Variants in PKHD1L1 observed in about 807,000 individuals in gnomAD.
PKHD1L1 encodes the protein fibrocystin-L.
In PKHD1L1, 434 loss-of-function variants were observed where a neutral mutation model predicts 462.9. That is an observed-to-expected ratio of 0.94 (90% confidence interval 0.87 to 1.02). PKHD1L1 has a LOEUF of 1.02. Ranked by LOEUF, PKHD1L1 falls within the 50% of genes least tolerant of loss-of-function variation. The pLI, the probability that PKHD1L1 is intolerant of heterozygous loss-of-function variation, is 0.00. For missense variants in PKHD1L1, 5,202 were observed against 5,096.1 expected (o/e 1.02, Z -0.63); for synonymous variants, 1,781 against 1,750.0 (o/e 1.02, Z -0.44).
intron 50 of PKHD1L1, 119 bp from the exon 51 acceptor site, chr8:109,474,999 G>A (rs1817902638): frequency 1.5e-5 from 12 of 820,958 alleles, no homozygotes; most frequent in Non-Finnish European, 2.2e-5. Flanking sequence ...ACCAATATTT[G>A]CTAAACCAAC....
At chr8:109,511,505 C>T (rs1819981085) in intron 71 of PKHD1L1, among the ~76,000 whole-genome samples, 1 of 151,674 alleles carries the variant, frequency 6.6e-6, no homozygotes, top group African/African-American at 2.4e-5. Flanking sequence ...TCATCCATGT[C>T]CCTACAAAGG....
chr8:109,373,138 C>G (rs1243669237), intron 2 of PKHD1L1, among the ~76,000 whole-genome samples: 4 of 151,996 alleles, frequency 2.6e-5, no homozygotes, highest in Non-Finnish European at 5.9e-5. Flanking sequence ...TGGTCCTGGA[C>G]TTTTTTTGGT....
rs1815614712 is a variant in PKHD1L1 at position 109,439,033 on chromosome 8, G to A, written c.3897G>A (p.Leu1299=). ...FTDIRCLLPK[L]SPGKHDIYVE... ...ATATTAGATGCCTTTTGCCCAAGTT[G>A]TCTCCTGGAAAACATGATATCTATG... Residue 1299 remains leucine (L), a synonymous_variant, in exon 32 of 78, where the codon TTG becomes TTA. Coordinates refer to ENST00000378402, the MANE Select transcript of PKHD1L1 (RefSeq NM_177531.6). The A allele has an allele frequency of 3.1e-6, 5 of 1,613,614 alleles. No individual in the cohort carries two copies. In the East Asian group the frequency reaches 1.1e-4, roughly 36 times the overall value.
At chr8:109,521,505 T>C (rs921243907) in intron 73 of PKHD1L1, among the ~76,000 whole-genome samples, 3 of 152,064 alleles carry the variant, frequency 2.0e-5, no homozygotes, top group African/African-American at 7.2e-5. Context: ...AGATGTGGTG[T>C]AGTGGAGAGG....
At chr8:109,364,296 G>T (rs984257723) in intron 1 of PKHD1L1, among the ~76,000 whole-genome samples, 1 of 152,182 alleles carries the variant, frequency 6.6e-6, no homozygotes, top group African/African-American at 2.4e-5. Context: ...TGATGAAAAT[G>T]ATCACGTGTT....
chr8:109,410,684 G>A (rs1236825618), intron 19 of PKHD1L1, among the ~76,000 whole-genome samples: 2 of 138,366 alleles, frequency 1.4e-5, no homozygotes, highest in Admixed American at 1.5e-4. Flanking sequence ...CCAAAATCAT[G>A]TAATTTTGTT....
chr8:109,525,868 T>C (rs1207298151), intron 76 of PKHD1L1, among the ~76,000 whole-genome samples: 3 of 152,174 alleles, frequency 2.0e-5, no homozygotes, highest in Admixed American at 2.0e-4. Context: ...GAATTGCAAT[T>C]GTTCATGAAA....
At chr8:109,374,942 T>C (rs1811730449) in intron 2 of PKHD1L1, among the ~76,000 whole-genome samples, 1 of 152,266 alleles carries the variant, frequency 6.6e-6, no homozygotes, top group African/African-American at 2.4e-5. Context: ...CATTTTTTCC[T>C]TCATTTCAAC....
In PKHD1L1 at chr8:109,456,249, A is replaced by C. The variant is rs1433143126; in HGVS notation, c.6875-13A>C. On this transcript the variant is annotated splice_polypyrimidine_tract_variant and intron_variant, in intron 45 of 77. Coordinates refer to ENST00000378402, the MANE Select transcript of PKHD1L1 (RefSeq NM_177531.6). The stretch of plus-strand genomic sequence containing the variant: ...ACATGTAAGGAAATACTCAGTGTGT[A>C]TGTTGGTTCTAGGTGTGCCTGTTCC... The C allele has an allele frequency of 2.5e-6, 4 of 1,608,336 alleles. No homozygotes were observed. Among genetic ancestry groups the C allele is most frequent in the Non-Finnish European group, 3.4e-6 (4 of 1,177,798 alleles).
chr8:109,454,133 C>T, intron 43 of PKHD1L1, 34 bp from the exon 44 acceptor site: 1 of 1,400,200 alleles, frequency 7.1e-7, no homozygotes, highest in South Asian at 1.3e-5. Context: ...AAGATTTTTC[C>T]TTGTGATGTA....
intron 5 of PKHD1L1, among the ~76,000 whole-genome samples, 166 bp downstream of exon 5, chr8:109,384,293 T>C (rs1210134734): frequency 6.6e-6 from 1 of 152,106 alleles, no homozygotes; most frequent in Non-Finnish European, 1.5e-5. Flanking sequence ...AATCTCAGCA[T>C]TTGGGGAGGC....
At chr8:109,455,467 C>G (rs529570912) in intron 45 of PKHD1L1, among the ~76,000 whole-genome samples, 1 of 152,310 alleles carries the variant, frequency 6.6e-6, no homozygotes, top group East Asian at 1.9e-4. Context: ...CCTCCAGGCT[C>G]TTCTCGTTTC....
chr8:109,464,674 T>C lies in PKHD1L1; in HGVS notation c.7842T>C (p.Asn2614=). 1 of 1,613,484 alleles carries C rather than the reference T, an allele frequency of 6.2e-7. No homozygotes were observed. The highest frequency in any genetic ancestry group is 8.5e-7 in the Non-Finnish European group (1 of 1,179,792). Residue 2614 remains asparagine, a synonymous_variant, in exon 49 of 78, where the codon AAT becomes AAC. Coordinates refer to ENST00000378402, the MANE Select transcript of PKHD1L1 (RefSeq NM_177531.6). Reference sequence around the variant, plus strand: ...TTCCCCTTGGCGAATTTTTTAACAATACTGTCCATTCTCAAGGTTGGTTTG... The same window carrying C: ...TTCCCCTTGGCGAATTTTTTAACAACACTGTCCATTCTCAAGGTTGGTTTG... The part of the protein sequence containing the change: ...KRVPLGEFFN[N]TVHSQGWFGM...
chr8:109,440,574 T>C (rs924116769), intron 32 of PKHD1L1, 136 bp from the exon 33 acceptor site: 4 of 637,562 alleles, frequency 6.3e-6, no homozygotes, highest in Non-Finnish European at 9.9e-6. Context: ...ATTGCCAGAT[T>C]GTCTATCTTG....
Position 109,477,383 on chromosome 8 carries a change from C to T in PKHD1L1, c.9076C>T (p.Pro3026Ser), listed in dbSNP as rs528971721. Residue 3026 changes from proline to serine, a missense_variant, in exon 53 of 78, where the codon CCA becomes TCA. This residue lies in a region of PKHD1L1 where 4,497 missense variants were observed against 4,336.8 expected (regional missense o/e 1.04). Transcript: ENST00000378402. ...PSRKPIPKKRPATYNLWSNDS... is the reference protein window; with the variant it reads ...PSRKPIPKKRSATYNLWSNDS... ...AAGAAAACCAATTCCCAAGAAGCGACCAGCCACATATAAGTACATAGGCCT... is the reference window on the plus strand; with the variant it reads ...AAGAAAACCAATTCCCAAGAAGCGATCAGCCACATATAAGTACATAGGCCT... 1 of 1,613,036 alleles carries T rather than the reference C, an allele frequency of 6.2e-7. No individual in the cohort carries two copies. The highest frequency in any genetic ancestry group is 1.7e-5 in the Admixed American group (1 of 59,940).
At chr8:109,435,615 G>A (rs919177268) in intron 29 of PKHD1L1, among the ~76,000 whole-genome samples, 2 of 152,102 alleles carry the variant, frequency 1.3e-5, no homozygotes, top group Non-Finnish European at 2.9e-5. Context: ...TCTATAACAA[G>A]CACATCAATT....
chr8:109,445,234 A>T lies in PKHD1L1; in HGVS notation c.5365A>T (p.Arg1789Ter). 1 of 1,614,030 alleles carries T rather than the reference A, an allele frequency of 6.2e-7. No homozygotes were observed. The highest frequency in any genetic ancestry group is 1.1e-5 in the South Asian group (1 of 91,084). Residue 1789 changes from arginine (R) to a stop codon, truncating the protein, a stop_gained, in exon 38 of 78, where the codon AGA (arginine) becomes TGA (stop). Transcript: ENST00000378402. LOFTEE classifies it high-confidence loss of function. Reference sequence around the variant, plus strand: ...TGTTTTCATTGGAAATCAACAGTTCAGAGCAATAGAGGTTAATGAAAACAA... The same window carrying T: ...TGTTTTCATTGGAAATCAACAGTTCTGAGCAATAGAGGTTAATGAAAACAA... ...IAVFIGNQQF[R>*]AIEVNENNIT...
Position 109,481,433 on chromosome 8 carries a change from G to A in PKHD1L1, c.9328G>A (p.Gly3110Arg). ...VLNATYISLQ[G>R]GRLIGGWEDN... ...TTAACAATTTTCTGCTTCATTTCAG[G>A]GAGGTAGATTAATCGGTGGCTGGGA... The change falls in exon 56 of 78, where the codon GGA becomes AGA. Residue 3110 changes from glycine to arginine, a missense_variant and splice_region_variant. Around this residue, in one of 3 missense-constraint regions of PKHD1L1, gnomAD observed 4,497 missense variants for 4,336.8 expected, o/e 1.04. Transcript: ENST00000378402. 6.3e-7 allele frequency: 1 copy of A among 1,584,770 alleles called. No individual in the cohort carries two copies. Among genetic ancestry groups the A allele is most frequent in the South Asian group, 1.2e-5 (1 of 85,596 alleles).
Position 109,526,247 on chromosome 8 carries a change from T to G in PKHD1L1, c.12485-537T>G, listed in dbSNP as rs113477454. On this transcript the variant is annotated intron_variant, in intron 76 of 77. Coordinates refer to ENST00000378402, the MANE Select transcript of PKHD1L1 (RefSeq NM_177531.6). ...TTGTAATACAAAAATAGCATCTAAC[T>G]TCAAACAAATGTGAAACATGGTAAA... 1.3e-3 allele frequency among the ~76,000 whole-genome samples: 201 copies of G among 152,336 alleles called. 1 individual carries two copies. The highest frequency in any genetic ancestry group is 4.6e-3 in the African/African-American group (192 of 41,584).
Sources: gnomAD v4.1 joint callset for allele counts (sites outside exome capture counted in the v4.1 genomes callset) on GRCh38, gnomAD v4.1.1 for gene constraint, gnomAD v4.1.1 regional missense constraint, MANE v1.5 for transcripts, NCBI Gene and HGNC (gene_info 2026-07-23, HGNC 2026-07-21) for gene names.